The following NEBL variants were observed in gnomAD, a reference collection of about 807,000 sequenced individuals.
The protein encoded by NEBL is LIM and SH3 protein 2.
In NEBL, 122 loss-of-function variants were observed where a neutral mutation model predicts 140.2. That is an observed-to-expected ratio of 0.87 (90% CI 0.75 to 1.01). The LOEUF is 1.01. Among genes scored for constraint, NEBL ranks in the 50% least tolerant of loss-of-function variants. The pLI is 0.00. For synonymous variants in NEBL, 436 were observed against 398.9 expected (o/e 1.09, Z -1.11); for missense variants, 1,365 against 1,231.3 (o/e 1.11, Z -1.62).
intron 2 of NEBL, among the ~76,000 whole-genome samples, chr10:21,117,746 T>G (rs890545939): frequency 6.6e-6 from 1 of 152,146 alleles, no homozygotes; most frequent in African/African-American, 2.4e-5. Flanking sequence ...TTCCACATCT[T>G]TTTCGGCTGT....
At chr10:21,234,152 G>A (rs1223009974) in intron 3 of NEBL, among the ~76,000 whole-genome samples, 2 of 151,966 alleles carry the variant, frequency 1.3e-5, no homozygotes, top group African/African-American at 2.4e-5. Context: ...TGAAAAGGGG[G>A]TGAGTGGATT....
chr10:20,991,480 C>T (rs1335940834), intron 3 of NEBL, among the ~76,000 whole-genome samples: 3 of 151,934 alleles, frequency 2.0e-5, no homozygotes, highest in Non-Finnish European at 2.9e-5. Flanking sequence ...CTGATATTTG[C>T]TTTTTGGGAC....
chr10:20,799,373 C>G (rs1364398648), intron 26 of NEBL, among the ~76,000 whole-genome samples: 2 of 152,276 alleles, frequency 1.3e-5, no homozygotes, highest in African/African-American at 4.8e-5. Flanking sequence ...CCAAGCTGGT[C>G]TTGAACTCCT....
intron 26 of NEBL, among the ~76,000 whole-genome samples, chr10:20,791,994 G>A (rs557187498): frequency 2.6e-5 from 4 of 152,044 alleles, no homozygotes; most frequent in East Asian, 3.9e-4. Flanking sequence ...AGATTGAACA[G>A]GAAGGCAGCA....
intron 4 of NEBL, among the ~76,000 whole-genome samples, chr10:20,908,623 T>C (rs960462935): frequency 1.3e-5 from 2 of 152,218 alleles, no homozygotes; most frequent in Non-Finnish European, 2.9e-5. Flanking sequence ...TCAGGGTTTA[T>C]ATTTTTTAAT....
At chr10:21,103,604 T>C (rs1837577686) in intron 2 of NEBL, among the ~76,000 whole-genome samples, 1 of 152,160 alleles carries the variant, frequency 6.6e-6, no homozygotes, top group South Asian at 2.1e-4. Context: ...CTAATGATGT[T>C]GACAAAAAGA....
chr10:20,977,702 T>C (rs2131653329), intron 3 of NEBL, among the ~76,000 whole-genome samples: 1 of 152,328 alleles, frequency 6.6e-6, no homozygotes, highest in East Asian at 1.9e-4. Context: ...TCAGTGGTGT[T>C]AGCTTGTTCC....
chr10:21,258,623 T>C (rs1005694854), intron 1 of NEBL, among the ~76,000 whole-genome samples: 24 of 152,134 alleles, frequency 1.6e-4, no homozygotes, highest in Admixed American at 1.6e-3. Flanking sequence ...CAGAATCGCT[T>C]GAACCCAGGA....
intron 4 of NEBL, among the ~76,000 whole-genome samples, chr10:20,947,706 C>CACAA (rs1201532347): frequency 2.0e-5 from 3 of 151,692 alleles, no homozygotes; most frequent in African/African-American, 7.3e-5. Flanking sequence ...CACACACACA[C>CACAA]ACACACACAC....
rs959388976 is a variant in NEBL, at chr10:20,848,603, A to C, written c.1116+1792T>G. The stretch of plus-strand genomic sequence containing the variant: ...CAGCGGTGGCATTAGATTCTCATAG[A>C]AGCACAAACCCTATTATGAACTGTG... On this transcript the variant is annotated intron_variant, in intron 11 of 27. Coordinates refer to ENST00000377122, the MANE Select transcript of NEBL (RefSeq NM_006393.3). Among the ~76,000 whole-genome samples the C allele has an allele frequency of 2.0e-5, 3 of 150,906 alleles. No homozygotes were observed. In the East Asian group the frequency reaches 5.8e-4, roughly 29 times the overall value.
At chr10:21,274,010 T>C (rs1436366478) in intron 1 of NEBL, among the ~76,000 whole-genome samples, 1 of 152,170 alleles carries the variant, frequency 6.6e-6, no homozygotes, top group Non-Finnish European at 1.5e-5. Flanking sequence ...CTTGAGTAAC[T>C]TGCATCTGAC....
chr10:21,021,434 T>C (rs1838787368), intron 2 of NEBL, among the ~76,000 whole-genome samples: 1 of 152,220 alleles, frequency 6.6e-6, no homozygotes, highest in African/African-American at 2.4e-5. Context: ...GCCAGGCCTC[T>C]GCAGACTTCT....
chr10:20,825,690 T>A (rs1440823805), intron 18 of NEBL, among the ~76,000 whole-genome samples: 2 of 151,576 alleles, frequency 1.3e-5, no homozygotes, highest in African/African-American at 4.8e-5. Context: ...CTCAATGTAC[T>A]AAATATACAT....
At chr10:21,012,745 TACCAGACTC>T (rs1387301338) in intron 3 of NEBL, among the ~76,000 whole-genome samples, 9 of 152,134 alleles carry the variant, frequency 5.9e-5, no homozygotes, top group Admixed American at 5.9e-4. Flanking sequence ...AAGGGCCAGT[TACCAGACTC>T]TGAACCACTT....
chr10:21,255,969 G>A (rs867609627), intron 1 of NEBL, among the ~76,000 whole-genome samples: 6 of 146,292 alleles, frequency 4.1e-5, no homozygotes, highest in Non-Finnish European at 8.9e-5. Context: ...GCGACAGAGC[G>A]AGACTCTGTC....
At chr10:21,030,754 G>A (rs1833745241) in intron 2 of NEBL, 5 of 427,720 alleles carry the variant, frequency 1.2e-5, no homozygotes, top group Admixed American at 9.2e-5. Context: ...TAGGAAAGAT[G>A]GCAAAAAGGA....
chr10:21,117,723 A>G lies in NEBL; in HGVS notation c.164+54660T>C, dbSNP rs571389353. On this transcript the variant is annotated intron_variant, in intron 2 of 6. Transcript: ENST00000417816. ...CAATCATTGCTGAACGCATCTCTCT[A>G]TAGCTAAAAAGCTTCCACATCTTTT... is the stretch of plus-strand genomic sequence containing the variant. 3.6e-4 allele frequency among the ~76,000 whole-genome samples: 55 copies of G among 152,264 alleles called. No homozygotes were observed. The South Asian group carries it at 0.01, about 29-fold the overall frequency.
upstream of NEBL, among the ~76,000 whole-genome samples, chr10:20,901,559 T>C (rs1588981263): frequency 2.6e-5 from 4 of 152,182 alleles, no homozygotes; most frequent in Admixed American, 2.6e-4. Context: ...TTAAAACAGA[T>C]CCAAATTCAG....
At chr10:21,040,093 C>A (rs866358281) in intron 2 of NEBL, among the ~76,000 whole-genome samples, 1 of 152,170 alleles carries the variant, frequency 6.6e-6, no homozygotes, top group South Asian at 2.1e-4. Context: ...TTTAACTGGG[C>A]GTGGTGGCCC....
Sources: allele counts gnomAD v4.1 joint callset (sites outside exome capture counted in the v4.1 genomes callset), GRCh38; gene constraint gnomAD v4.1.1; transcripts MANE v1.5; gene names NCBI Gene and HGNC (gene_info 2026-07-23, HGNC 2026-07-21).